Variants in DHX35 observed in about 807,000 individuals in gnomAD.
DHX35 encodes probable ATP-dependent RNA helicase DHX35.
In DHX35, 84 loss-of-function variants were observed where a neutral mutation model predicts 99.6. That is an observed-to-expected ratio of 0.84 (90% CI 0.71 to 1.01). The LOEUF is 1.01. DHX35 is among the 50% of genes least tolerant of loss of function. The pLI is 0.00. For synonymous variants in DHX35, 331 were observed against 316.2 expected (o/e 1.05, Z -0.50); for missense variants, 852 against 888.5 (o/e 0.96, Z 0.52).
intron 12 of DHX35, among the ~76,000 whole-genome samples, chr20:39,007,765 C>T (rs1305386033): frequency 2.0e-5 from 3 of 152,022 alleles, no homozygotes; most frequent in Non-Finnish European, 2.9e-5. Flanking sequence ...GAACCCAGGG[C>T]CTGAGGACCA....
chr20:38,984,596 A>G (rs2064181), intron 4 of DHX35, among the ~76,000 whole-genome samples: 103,691 of 152,130 alleles, frequency 0.68, 36,898 homozygotes, highest in African/African-American at 0.89. Flanking sequence ...AAAAAATTCA[A>G]GATGTTACCT....
chr20:38,997,845 G>A (rs1396232899), intron 8 of DHX35, among the ~76,000 whole-genome samples: 1 of 152,194 alleles, frequency 6.6e-6, no homozygotes. Flanking sequence ...GGGGTTGGGT[G>A]TGGCTTAGGA....
intron 4 of DHX35, among the ~76,000 whole-genome samples, chr20:38,985,350 G>C (rs948350608): frequency 2.4e-5 from 3 of 124,128 alleles, no homozygotes; most frequent in African/African-American, 9.4e-5. Context: ...TCGTGTCATT[G>C]TACTCCAACC....
In DHX35 at chr20:39,038,624, C is replaced by G. The variant is rs1336545538; in HGVS notation, c.*81C>G. 1 of 1,420,368 alleles carries G rather than the reference C, an allele frequency of 7.0e-7. No homozygotes were observed. The highest frequency in any genetic ancestry group is 9.7e-7 in the Non-Finnish European group (1 of 1,033,478). The allele number at this position is 1,420,368 out of a possible 1,614,324, so 88.0% of individuals were successfully genotyped here. On this transcript the variant is annotated 3_prime_UTR_variant, in exon 22 of 22. Coordinates refer to ENST00000252011, the MANE Select transcript of DHX35 (RefSeq NM_021931.4). ...TGCCCCTGGTCCCAGGTGGGGTGAG[C>G]TGGCACCAGCTCCTGTGGAATGTTT...
intron 2 of DHX35, among the ~76,000 whole-genome samples, chr20:38,971,376 A>G (rs989614261): frequency 1.3e-5 from 2 of 152,056 alleles, no homozygotes; most frequent in African/African-American, 2.4e-5. Flanking sequence ...AAACAAAACA[A>G]TGTTGGAACT....
Position 39,002,781 on chromosome 20 carries a change from A to G in DHX35, c.765A>G (p.Pro255=). ...VDIFYLQSPV[P]DYIKSTVETV... The stretch of plus-strand genomic sequence containing the variant: ...CCATTTGTCTTTTCAGTCCTGTTCC[A>G]GATTATATCAAATCAACTGTCGAAA... The change falls in exon 10 of 22, where the codon CCA becomes CCG. Residue 255 remains proline, a synonymous_variant. Transcript: ENST00000252011. 6.2e-7 allele frequency: 1 copy of G among 1,614,052 alleles called. No homozygotes were observed. Among genetic ancestry groups the G allele is most frequent in the Non-Finnish European group, 8.5e-7 (1 of 1,179,934 alleles).
At chr20:38,970,689 C>T (rs2085981836) in intron 2 of DHX35, among the ~76,000 whole-genome samples, 1 of 152,162 alleles carries the variant, frequency 6.6e-6, no homozygotes, top group South Asian at 2.1e-4. Context: ...CAGATGAGAT[C>T]ATCCATGCAG....
At chr20:39,021,506 A>AT (rs2086871186) in intron 15 of DHX35, among the ~76,000 whole-genome samples, 1 of 151,742 alleles carries the variant, frequency 6.6e-6, no homozygotes. Flanking sequence ...TTTTGTTTTT[A>AT]TTTTTCTGAG....
intron 2 of DHX35, among the ~76,000 whole-genome samples, chr20:38,971,682 T>TA (rs1393008470): frequency 6.6e-6 from 1 of 152,232 alleles, no homozygotes; most frequent in Non-Finnish European, 1.5e-5. Flanking sequence ...AACAAGTAGA[T>TA]ACGTGTTTGC....
chr20:38,982,851 T>C (rs1478253737), intron 3 of DHX35, among the ~76,000 whole-genome samples: 2 of 152,238 alleles, frequency 1.3e-5, no homozygotes, highest in Non-Finnish European at 2.9e-5. Flanking sequence ...CCGTATTGGA[T>C]TTTAAGTGCA....
chr20:38,980,497 A>C (rs1466392611), intron 3 of DHX35, among the ~76,000 whole-genome samples: 1 of 143,780 alleles, frequency 7.0e-6, no homozygotes, highest in African/African-American at 2.6e-5. Context: ...CTTAGCTATT[A>C]TTCTTATAGT....
At chr20:38,983,450 G>T (rs1439266263) in intron 3 of DHX35, among the ~76,000 whole-genome samples, 1 of 152,174 alleles carries the variant, frequency 6.6e-6, no homozygotes, top group East Asian at 1.9e-4. Flanking sequence ...TTCCAGGACT[G>T]GGGTGTCAGA....
At chr20:39,017,740 T>TGG (rs1420209533) in intron 14 of DHX35, among the ~76,000 whole-genome samples, 1 of 151,962 alleles carries the variant, frequency 6.6e-6, no homozygotes, top group Non-Finnish European at 1.5e-5. Flanking sequence ...GAAGGGCAGG[T>TGG]GGGGAGTTGA....
rs1461304050 is a variant in DHX35, at chr20:38,972,663, T to A, written c.267+12T>A. On this transcript the variant is annotated intron_variant, in intron 3 of 21. Transcript: ENST00000252011. The stretch of plus-strand genomic sequence containing the variant: ...CACAGATTCCTCAGGTGAGTACATA[T>A]TTAATAAGTGTCTTTACACTTCGAT... 6.3e-7 allele frequency: 1 copy of A among 1,582,110 alleles called. No homozygotes were observed. The highest frequency in any genetic ancestry group is 8.7e-7 in the Non-Finnish European group (1 of 1,152,376).
At position 39,006,355 on chromosome 20, in the gene DHX35, A is replaced by G. The variant is rs1428964626; in HGVS notation, c.1221A>G (p.Thr407=). ...CGGGAAAATGTTATCGCCTTTATAC[A>G]GGTTAGTGTGGCTTTCCCTAAGGGT... ...SRSGKCYRLY[T]EEAFDKLPQS... The change falls in exon 12 of 22, where the codon ACA becomes ACG. Residue 407 remains threonine (T), a splice_region_variant and synonymous_variant. Coordinates refer to ENST00000252011, the MANE Select transcript of DHX35 (RefSeq NM_021931.4). 2 of 1,613,028 alleles carry G rather than the reference A, an allele frequency of 1.2e-6. No homozygotes were observed. Among genetic ancestry groups the G allele is most frequent in the Non-Finnish European group, 1.7e-6 (2 of 1,179,170 alleles).
At chr20:38,988,006 A>G (rs2086276112) in intron 4 of DHX35, among the ~76,000 whole-genome samples, 2 of 152,156 alleles carry the variant, frequency 1.3e-5, no homozygotes, top group Non-Finnish European at 2.9e-5. Flanking sequence ...TTCTGCCTTC[A>G]TGGTCCCGGG....
intron 18 of DHX35, among the ~76,000 whole-genome samples, chr20:39,028,061 C>T (rs1432999940): frequency 6.6e-6 from 1 of 152,238 alleles, no homozygotes; most frequent in African/African-American, 2.4e-5. Context: ...CCATATGACA[C>T]TCTTTTACAA....
chr20:39,012,262 A>G (rs1422010148), intron 13 of DHX35, among the ~76,000 whole-genome samples: 1 of 152,194 alleles, frequency 6.6e-6, no homozygotes, highest in African/African-American at 2.4e-5. Context: ...AAAAAAGAAA[A>G]GATAAACAGT....
chr20:39,039,681 A>G lies in DHX35; in HGVS notation c.*1138A>G, dbSNP rs1339541448. The G allele has an allele frequency of 6.6e-6, 1 of 152,222 alleles. No individual in the cohort carries two copies. The highest frequency in any genetic ancestry group is 6.5e-5 in the Admixed American group (1 of 15,288). The allele number at this position is 152,222 out of a possible 1,614,324, so 9.4% of individuals were successfully genotyped here. On this transcript the variant is annotated 3_prime_UTR_variant, in exon 22 of 22. Coordinates refer to ENST00000252011, the MANE Select transcript of DHX35 (RefSeq NM_021931.4). ...AAATAATAGTGATAACTTGTTAATA[A>G]TAGTAAACCTTTATACCTAAAGTAA...
Sources: gnomAD v4.1 joint callset for allele counts (sites outside exome capture counted in the v4.1 genomes callset) on GRCh38, gnomAD v4.1.1 for gene constraint, MANE v1.5 for transcripts, NCBI Gene and HGNC (gene_info 2026-07-23, HGNC 2026-07-21) for gene names.